The following SH3TC2 variants were observed in gnomAD, a reference collection of about 807,000 sequenced individuals.
The protein encoded by SH3TC2 is SH3 domain and tetratricopeptide repeat-containing protein 2.
SH3TC2 carries 87 observed loss-of-function variants against 124.5 expected under a neutral mutation model. The ratio of observed to expected loss-of-function variants is 0.70; its 90% CI spans 0.59 to 0.84. The LOEUF (loss-of-function observed/expected upper bound fraction) is 0.84. Ranked by LOEUF, SH3TC2 falls within the 40% of genes least tolerant of loss-of-function variation. The pLI is 0.00. For missense variants in SH3TC2, 1,536 were observed against 1,566.4 expected (o/e 0.98, Z 0.33); for synonymous variants, 634 against 628.5 (o/e 1.01, Z -0.13).
At position 148,988,739 on chromosome 5, in the gene SH3TC2, T is replaced by G. The variant is rs1296251907; in HGVS notation, c.*15972A>C. Among the ~76,000 whole-genome samples, 1 of 152,234 alleles carries G rather than the reference T, an allele frequency of 6.6e-6. No individual in the cohort carries two copies. The highest frequency in any genetic ancestry group is 1.5e-5 in the Non-Finnish European group (1 of 68,052). On this transcript the variant is annotated 3_prime_UTR_variant, in exon 17 of 17. Coordinates refer to ENST00000515425, the MANE Select transcript of SH3TC2 (RefSeq NM_024577.4). ...AACAGTAGAGAACCCAAGCGAGAAT[T>G]GCCCGGGTGAGCCCAGTCAATCCAT...
intron 1 of SH3TC2, among the ~76,000 whole-genome samples, chr5:149,056,063 A>T (rs1212730379): frequency 3.3e-5 from 5 of 152,026 alleles, no homozygotes; most frequent in East Asian, 1.9e-4. Context: ...TAAATGGTAA[A>T]TTTTTTTTAA....
chr5:149,050,251 GA>G (rs1444328349), intron 2 of SH3TC2, among the ~76,000 whole-genome samples: 2 of 152,232 alleles, frequency 1.3e-5, no homozygotes, highest in Non-Finnish European at 2.9e-5. Flanking sequence ...GAGCAGGGAA[GA>G]AGTCAAGCTC....
chr5:149,054,597 A>G (rs1754611335), intron 1 of SH3TC2, among the ~76,000 whole-genome samples: 1 of 152,192 alleles, frequency 6.6e-6, no homozygotes, highest in South Asian at 2.1e-4. Flanking sequence ...TTTAGTTTGA[A>G]CTGCTTGACA....
chr5:149,031,796 C>G (rs1754199131), intron 8 of SH3TC2, 109 bp from the exon 9 acceptor site: 4 of 1,426,204 alleles, frequency 2.8e-6, no homozygotes, highest in Middle Eastern at 2.4e-4. Context: ...GTCATCAAAC[C>G]AACTTCCCGC....
chr5:149,020,113 A>AACACAC (rs56088659), intron 12 of SH3TC2, among the ~76,000 whole-genome samples: 4,142 of 146,876 alleles, frequency 0.028, 279 homozygotes, highest in Admixed American at 0.15. Flanking sequence ...GAAAAGGTCA[A>AACACAC]ACACACACAC....
chr5:149,060,972 T>C (rs185524608), intron 1 of SH3TC2, among the ~76,000 whole-genome samples: 10 of 152,262 alleles, frequency 6.6e-5, no homozygotes, highest in African/African-American at 2.2e-4. Flanking sequence ...AATAGGGGAA[T>C]CTGGAATGGG....
At position 149,010,311 on chromosome 5, in the gene SH3TC2, T is replaced by C. The variant is rs1228973233; in HGVS notation, c.3286A>G (p.Asn1096Asp). 1.9e-6 allele frequency: 3 copies of C among 1,614,200 alleles called. No individual in the cohort carries two copies. The Admixed American group carries it at 5.0e-5, about 27-fold the overall frequency. The change falls in exon 14 of 17, where the codon AAT becomes GAT. Residue 1096 changes from asparagine to aspartate, a missense_variant. By Grantham distance (23) the Asn-to-Asp change is conservative. Transcript: ENST00000515425. ...GCATGATGCCTGTGGCGGGTCCCAT[T>C]GAAGAACACATCACCTGCTTCTTCA... Reference protein sequence around the residue: ...LYEEAGDVFFNGTRHRHHAVE... With the variant: ...LYEEAGDVFFDGTRHRHHAVE...
intron 2 of SH3TC2, 57 bp downstream of exon 2, chr5:149,052,085 G>C: frequency 1.7e-6 from 2 of 1,190,126 alleles, no homozygotes; most frequent in Non-Finnish European, 2.5e-6. Context: ...GAAAGATAAA[G>C]AGGTTATCGC....
rs565182872 is a variant in SH3TC2 at position 148,997,517 on chromosome 5, A to G, written c.*7194T>C. ...CCTCCTGGAAAGTCAGTTCTCTCCA[A>G]TCCTGTTCTAAAGTAACCAATTTTG... On this transcript the variant is annotated 3_prime_UTR_variant, in exon 17 of 17. Transcript: ENST00000515425. 6.6e-6 allele frequency among the ~76,000 whole-genome samples: 1 copy of G among 152,184 alleles called. No homozygotes were observed. The highest frequency in any genetic ancestry group is 1.9e-4 in the East Asian group (1 of 5,206).
chr5:149,018,228 A>G (rs892130992), intron 12 of SH3TC2, among the ~76,000 whole-genome samples: 1 of 152,180 alleles, frequency 6.6e-6, no homozygotes, highest in Admixed American at 6.5e-5. Flanking sequence ...TATTATGGCC[A>G]TAATTTTCAC....
intron 2 of SH3TC2, among the ~76,000 whole-genome samples, chr5:149,050,245 A>G (rs2127402883): frequency 6.6e-6 from 1 of 152,366 alleles, no homozygotes; most frequent in East Asian, 1.9e-4. Context: ...TCACTAGAGC[A>G]GGGAAGAAGT....
In SH3TC2 at chr5:148,989,059, A is replaced by G. The variant is rs1213947811; in HGVS notation, c.*15652T>C. Among the ~76,000 whole-genome samples the G allele has an allele frequency of 3.3e-5, 5 of 152,128 alleles. No homozygotes were observed. On this transcript the variant is annotated 3_prime_UTR_variant, in exon 17 of 17. Transcript: ENST00000515425. ...TAACACACACAACACACACAAAACA[A>G]TGTCTTGGATTGTGGAAGAATTTGC...
At chr5:149,032,372 G>C (rs1754212139) in intron 8 of SH3TC2, among the ~76,000 whole-genome samples, 1 of 152,180 alleles carries the variant, frequency 6.6e-6, no homozygotes, top group Non-Finnish European at 1.5e-5. Flanking sequence ...AGCCTAATTT[G>C]CTTACTAGAG....
At chr5:149,025,866 T>C (rs1367859912) in intron 12 of SH3TC2, 1 of 152,324 alleles carries the variant, frequency 6.6e-6, no homozygotes, top group Non-Finnish European at 1.5e-5. Context: ...AATGCTCCAT[T>C]GTGCTGTTAC....
chr5:149,026,249 G>T, intron 12 of SH3TC2: 1 of 354,062 alleles, frequency 2.8e-6, no homozygotes, highest in Non-Finnish European at 5.3e-6. Flanking sequence ...GCATTACTGA[G>T]ACCTATCTAT....
rs1321372676 is a variant in SH3TC2, at chr5:148,986,616, C to A, written c.*18095G>T. Reference sequence around the variant, plus strand: ...GTTGAATTATCATTTTAAAAGTGAACTTCAATTAGATTATTCATACACAAC... The same window carrying A: ...GTTGAATTATCATTTTAAAAGTGAAATTCAATTAGATTATTCATACACAAC... On this transcript the variant is annotated 3_prime_UTR_variant, in exon 17 of 17. Coordinates refer to ENST00000515425, the MANE Select transcript of SH3TC2 (RefSeq NM_024577.4). Among the ~76,000 whole-genome samples, 1 of 152,170 alleles carries A rather than the reference C, an allele frequency of 6.6e-6. No individual in the cohort carries two copies. The highest frequency in any genetic ancestry group is 1.5e-5 in the Non-Finnish European group (1 of 68,034).
rs564921950 is a variant in SH3TC2, at chr5:148,992,143, T to C, written c.*12568A>G. ...AACAATTGAACATTTAGCTGTTTCATCCAACAGCCCTATGAAGTTGATATC... is the reference window on the plus strand; with the variant it reads ...AACAATTGAACATTTAGCTGTTTCACCCAACAGCCCTATGAAGTTGATATC... On this transcript the variant is annotated 3_prime_UTR_variant, in exon 17 of 17. Coordinates refer to ENST00000515425, the MANE Select transcript of SH3TC2 (RefSeq NM_024577.4). Among the ~76,000 whole-genome samples, 23 of 152,350 alleles carry C rather than the reference T, an allele frequency of 1.5e-4. No homozygotes were observed. Among genetic ancestry groups the C allele is most frequent in the African/African-American group, 5.0e-4 (21 of 41,592 alleles).
rs2127391999 is a variant in SH3TC2 at position 149,007,022 on chromosome 5, G to T, written c.3534C>A (p.Ser1178=). Reference sequence around the variant, plus strand: ...CCTCAGCCATCTCATACATGTGCAGGGAGTAGTACACTGTAGCCAGGCGGT... The same window carrying T: ...CCTCAGCCATCTCATACATGTGCAGTGAGTAGTACACTGTAGCCAGGCGGT... The part of the protein sequence containing the change: ...AFHRLATVYY[S]LHMYEMAEDC... The change falls in exon 16 of 17, where the codon TCC becomes TCA. Residue 1178 remains serine, a synonymous_variant. Transcript: ENST00000515425. 1 of 1,614,188 alleles carries T rather than the reference G, an allele frequency of 6.2e-7. No individual in the cohort carries two copies. Among genetic ancestry groups the T allele is most frequent in the Non-Finnish European group, 8.5e-7 (1 of 1,180,032 alleles).
chr5:149,031,629 T>C lies in SH3TC2; in HGVS notation c.1060A>G (p.Ser354Gly). 1 of 1,614,106 alleles carries C rather than the reference T, an allele frequency of 6.2e-7. No homozygotes were observed. The highest frequency in any genetic ancestry group is 8.5e-7 in the Non-Finnish European group (1 of 1,180,012). Reference protein sequence around the residue: ...EERCSLLALGSDKQTECSSFL... With the variant: ...EERCSLLALGGDKQTECSSFL... ...CTGGAACACTCAGTCTGCTTATCAC[T>C]TCCCAGGGCCAACAGGGAGCATCTC... The change falls in exon 9 of 17, where the codon AGT (serine) becomes GGT (glycine). Residue 354 changes from serine (S) to glycine (G), a missense_variant. By Grantham distance (56) the Ser-to-Gly change is moderately conservative. Around this residue, in one of 3 missense-constraint regions of SH3TC2, gnomAD observed 1,102 missense variants for 1,098.6 expected, o/e 1.00. Coordinates refer to ENST00000515425, the MANE Select transcript of SH3TC2 (RefSeq NM_024577.4).
Sources: gnomAD v4.1 joint callset for allele counts (sites outside exome capture counted in the v4.1 genomes callset) on GRCh38, gnomAD v4.1.1 for gene constraint, gnomAD v4.1.1 regional missense constraint, MANE v1.5 for transcripts, NCBI Gene and HGNC (gene_info 2026-07-23, HGNC 2026-07-21) for gene names.